The following PTPRD variants were observed in gnomAD, a reference collection of about 807,000 sequenced individuals.
PTPRD encodes the protein receptor-type tyrosine-protein phosphatase delta.
PTPRD carries 34 observed loss-of-function variants against 214.5 expected under a neutral mutation model. The ratio of observed to expected loss-of-function variants is 0.16; its 90% CI spans 0.12 to 0.21. PTPRD has a LOEUF of 0.21. PTPRD is among the 10% of genes least tolerant of loss of function. The pLI is 1.00. For synonymous variants in PTPRD, 1,128 were observed against 845.7 expected, an observed-to-expected ratio of 1.33 and a Z score of -5.79; for missense variants, 2,545 against 2,398.7, an observed-to-expected ratio of 1.06 and a Z score of -1.27.
At chr9:8,743,853 C>A (rs925804110) in intron 11 of PTPRD, among the ~76,000 whole-genome samples, 1 of 150,522 alleles carries the variant, frequency 6.6e-6, no homozygotes, top group African/African-American at 2.4e-5. Context: ...AACAGACAAC[C>A]TACAGAGTGG....
chr9:10,178,884 T>C (rs1002846861), intron 3 of PTPRD, among the ~76,000 whole-genome samples: 2 of 151,812 alleles, frequency 1.3e-5, no homozygotes, highest in Non-Finnish European at 2.9e-5. Flanking sequence ...GAAACTACAA[T>C]ATATAGATAA....
rs373362978 is a variant in PTPRD at position 9,787,772 on chromosome 9, T to TTTATTATTATTATTATTATTATTA, written c.-367-20945_-367-20922dup. On this transcript the variant is annotated intron_variant, in intron 5 of 45. Coordinates refer to ENST00000381196, the MANE Select transcript of PTPRD (RefSeq NM_002839.4). The stretch of plus-strand genomic sequence containing the variant: ...CTGAACAACGTATATCAATTTTTTA[T>TTTATTATTATTATTATTATTATTA]TTATTATTATTATTATTATTATTAT... 1.4e-4 allele frequency among the ~76,000 whole-genome samples: 21 copies of TTTATTATTATTATTATTATTATTA among 149,138 alleles called. No individual in the cohort carries two copies. In the South Asian group the frequency reaches 2.6e-3, roughly 18 times the overall value.
intron 9 of PTPRD, among the ~76,000 whole-genome samples, chr9:9,306,563 C>CAAAA (rs142369340): frequency 2.5e-5 from 2 of 79,136 alleles, no homozygotes; most frequent in Non-Finnish European, 2.3e-5. Context: ...GACTCCGTCT[C>CAAAA]AAAAAAAAAA....
intron 8 of PTPRD, among the ~76,000 whole-genome samples, chr9:9,435,973 A>C (rs1446973306): frequency 6.6e-6 from 1 of 152,114 alleles, no homozygotes; most frequent in Non-Finnish European, 1.5e-5. Flanking sequence ...CAATTAGCTC[A>C]CCTTTTTCTC....
At position 9,944,606 on chromosome 9, in the gene PTPRD, C is replaced by T. The variant is rs114509361; in HGVS notation, c.-471-5996G>A. Among the ~76,000 whole-genome samples, 711 of 152,018 alleles carry T rather than the reference C, an allele frequency of 4.7e-3. 4 individuals carry two copies. The highest frequency in any genetic ancestry group is 0.017 in the African/African-American group (687 of 41,474). On this transcript the variant is annotated intron_variant, in intron 4 of 45. Transcript: ENST00000381196. ...AAAAGGGAGTCAGGCATGTGTATAACTGGGTGAAGAGTATTCCAAGAATAG... is the reference window on the plus strand; with the variant it reads ...AAAAGGGAGTCAGGCATGTGTATAATTGGGTGAAGAGTATTCCAAGAATAG...
chr9:8,849,098 C>A (rs1388890957), intron 11 of PTPRD, among the ~76,000 whole-genome samples: 1 of 151,546 alleles, frequency 6.6e-6, no homozygotes, highest in Non-Finnish European at 1.5e-5. Context: ...GGGTCCTGAG[C>A]ATTGTGAGAG....
chr9:8,991,073 G>T (rs907669530), intron 11 of PTPRD, among the ~76,000 whole-genome samples: 2 of 151,556 alleles, frequency 1.3e-5, no homozygotes, highest in Admixed American at 1.3e-4. Context: ...AAAAAAATTA[G>T]CCAGGCATGT....
intron 11 of PTPRD, among the ~76,000 whole-genome samples, chr9:8,747,958 T>A (rs944744071): frequency 6.6e-6 from 1 of 152,138 alleles, no homozygotes; most frequent in African/African-American, 2.4e-5. Flanking sequence ...GAATCGAAGC[T>A]GTAATATATA....
At chr9:9,508,417 T>C (rs1282061813) in intron 8 of PTPRD, among the ~76,000 whole-genome samples, 4 of 151,520 alleles carry the variant, frequency 2.6e-5, no homozygotes, top group Non-Finnish European at 5.9e-5. Flanking sequence ...TTTTCCATAA[T>C]GAAAGTAAAG....
At chr9:9,338,694 A>G (rs749515058) in intron 9 of PTPRD, among the ~76,000 whole-genome samples, 1 of 151,878 alleles carries the variant, frequency 6.6e-6, no homozygotes, top group Non-Finnish European at 1.5e-5. Flanking sequence ...CTTTTTTCCA[A>G]TTTCTTTTCT....
chr9:8,616,359 C>T (rs141251967), intron 14 of PTPRD, among the ~76,000 whole-genome samples: 91 of 152,200 alleles, frequency 6.0e-4, no homozygotes, highest in Non-Finnish European at 5.6e-4. Context: ...TCATCTAGTA[C>T]ATGGTCTTCA....
chr9:9,872,507 G>T (rs904067082), intron 5 of PTPRD, among the ~76,000 whole-genome samples: 2 of 151,992 alleles, frequency 1.3e-5, no homozygotes, highest in African/African-American at 4.8e-5. Flanking sequence ...AGTCTGAGGT[G>T]GGAGGATTGC....
At chr9:10,304,753 A>G (rs912540919) in intron 3 of PTPRD, among the ~76,000 whole-genome samples, 2 of 152,180 alleles carry the variant, frequency 1.3e-5, no homozygotes, top group Non-Finnish European at 2.9e-5. Context: ...TCAAGCAAAT[A>G]AGAGAGGACA....
At chr9:8,974,743 A>G (rs2099258424) in intron 11 of PTPRD, among the ~76,000 whole-genome samples, 1 of 152,090 alleles carries the variant, frequency 6.6e-6, no homozygotes, top group South Asian at 2.1e-4. Context: ...GTAATAGTAT[A>G]TACTATTAGT....
intron 4 of PTPRD, among the ~76,000 whole-genome samples, chr9:9,961,590 T>C (rs2094368181): frequency 6.6e-6 from 1 of 152,144 alleles, no homozygotes; most frequent in South Asian, 2.1e-4. Context: ...AATAAAGTAT[T>C]ATTTTTGCCC....
At chr9:8,586,169 G>A (rs572914336) in intron 14 of PTPRD, among the ~76,000 whole-genome samples, 7 of 152,182 alleles carry the variant, frequency 4.6e-5, no homozygotes, top group South Asian at 2.1e-4. Flanking sequence ...GCGTGGCGGC[G>A]TGTGCCTGTA....
intron 7 of PTPRD, among the ~76,000 whole-genome samples, chr9:9,656,509 AAG>A (rs2096518422): frequency 1.3e-5 from 2 of 152,206 alleles, no homozygotes; most frequent in Non-Finnish European, 2.9e-5. Flanking sequence ...GCTGATCTTA[AAG>A]GGCTACATAC....
intron 5 of PTPRD, among the ~76,000 whole-genome samples, chr9:9,838,286 T>C (rs2057378617): frequency 6.6e-6 from 1 of 152,106 alleles, no homozygotes. Flanking sequence ...ATATACCCAG[T>C]AATGGGATGG....
At chr9:8,493,456 C>A (rs1429278533) in intron 26 of PTPRD, among the ~76,000 whole-genome samples, 1 of 151,948 alleles carries the variant, frequency 6.6e-6, no homozygotes, top group Non-Finnish European at 1.5e-5. Context: ...CACATATCCA[C>A]TGTAACCCAC....
Sources: allele counts gnomAD v4.1 joint callset (sites outside exome capture counted in the v4.1 genomes callset), GRCh38; gene constraint gnomAD v4.1.1; transcripts MANE v1.5; gene names NCBI Gene and HGNC (gene_info 2026-07-23, HGNC 2026-07-21).